Variants in SV2C observed in about 807,000 individuals in gnomAD.
SV2C encodes solute carrier family 22 member B3.
A neutral mutation model predicts 79.7 loss-of-function variants in SV2C; 49 were observed. The observed-to-expected ratio is 0.61, with a 90% CI of 0.49 to 0.78. The LOEUF is 0.78. SV2C is among the 30% of genes least tolerant of loss of function. SV2C has a pLI of 0.00. For missense variants in SV2C, 833 were observed against 912.9 expected (o/e 0.91, Z 1.13); for synonymous variants, 334 against 333.2 (o/e 1.00, Z -0.03).
At chr5:76,065,953 C>T in the SV2C span, among the ~76,000 whole-genome samples, 1 of 152,108 alleles carries the variant, frequency 6.6e-6, no homozygotes, top group Non-Finnish European at 1.5e-5. Context: ...GAGCTCTTGG[C>T]ATGTGTTGCA....
chr5:76,051,583 A>G, the SV2C span, among the ~76,000 whole-genome samples: 5 of 152,238 alleles, frequency 3.3e-5, no homozygotes, highest in Non-Finnish European at 5.9e-5. Context: ...AATTTGCAAT[A>G]TAACAGAAGA....
chr5:76,285,697 C>A, intron 5 of SV2C, 84 bp from the exon 6 acceptor site: 1 of 1,115,134 alleles, frequency 9.0e-7, no homozygotes, highest in South Asian at 1.4e-5. Context: ...CTCATTTGAT[C>A]TGACAATGCA....
the SV2C span, among the ~76,000 whole-genome samples, chr5:76,004,650 G>A: frequency 1.4e-4 from 22 of 152,258 alleles, no homozygotes; most frequent in Non-Finnish European, 2.6e-4. Flanking sequence ...TGTTGGCCAA[G>A]AAAATGAAGA....
chr5:76,158,425 T>TA (rs1287260362), intron 2 of SV2C, among the ~76,000 whole-genome samples: 41 of 145,826 alleles, frequency 2.8e-4, no homozygotes, highest in East Asian at 7.9e-4. Context: ...AAATAGACGT[T>TA]AAAAAAAAAA....
chr5:76,060,261 A>G, the SV2C span, among the ~76,000 whole-genome samples: 1 of 152,090 alleles, frequency 6.6e-6, no homozygotes, highest in Non-Finnish European at 1.5e-5. Context: ...TGAGCCAATC[A>G]TTGACTTCAC....
At chr5:76,136,622 C>G (rs761299813) in intron 2 of SV2C, among the ~76,000 whole-genome samples, 2 of 151,978 alleles carry the variant, frequency 1.3e-5, no homozygotes, top group African/African-American at 2.4e-5. Flanking sequence ...CTGATGAAAA[C>G]TCATCTAGGA....
At chr5:75,893,265 G>A in the SV2C span, among the ~76,000 whole-genome samples, 1 of 151,858 alleles carries the variant, frequency 6.6e-6, no homozygotes, top group Non-Finnish European at 1.5e-5. Flanking sequence ...ACTTTTCAAT[G>A]GCATTATTTG....
chr5:76,335,466 C>T (rs1047964636), downstream of SV2C, among the ~76,000 whole-genome samples: 9 of 121,982 alleles, frequency 7.4e-5, no homozygotes, highest in Non-Finnish European at 7.9e-5. Context: ...GTGTTTCTCA[C>T]AGAGGGGGAT....
chr5:76,224,497 G>C (rs1231094708), intron 4 of SV2C, among the ~76,000 whole-genome samples: 1 of 152,182 alleles, frequency 6.6e-6, no homozygotes, highest in Non-Finnish European at 1.5e-5. Flanking sequence ...ACTCACCGCT[G>C]TGTTTCTAAA....
chr5:76,261,440 C>A lies in SV2C; in HGVS notation c.914-23722C>A, dbSNP rs530016486. 2.0e-5 allele frequency among the ~76,000 whole-genome samples: 3 copies of A among 152,288 alleles called. No homozygotes were observed. In the South Asian group the frequency reaches 6.2e-4, roughly 32 times the overall value. On this transcript the variant is annotated intron_variant, in intron 4 of 12. Transcript: ENST00000502798. Reference sequence around the variant, plus strand: ...CTATTCAAACATGCTTTATTTATTTCTCTTGCCCGATTGTTCTGGCCAGAA... The same window carrying A: ...CTATTCAAACATGCTTTATTTATTTATCTTGCCCGATTGTTCTGGCCAGAA...
At chr5:76,174,639 T>C (rs187732498) in intron 2 of SV2C, among the ~76,000 whole-genome samples, 303 of 152,346 alleles carry the variant, frequency 2.0e-3, no homozygotes, top group African/African-American at 7.1e-3. Context: ...CCACCTGTGG[T>C]CTCTATCACA....
At chr5:76,217,600 C>T (rs1366036866) in intron 4 of SV2C, among the ~76,000 whole-genome samples, 2 of 152,098 alleles carry the variant, frequency 1.3e-5, no homozygotes, top group East Asian at 1.9e-4. Flanking sequence ...ATTTGATGCT[C>T]AAAAATGGTA....
the SV2C span, among the ~76,000 whole-genome samples, chr5:75,961,287 A>G: frequency 3.3e-5 from 5 of 152,150 alleles, no homozygotes; most frequent in Non-Finnish European, 5.9e-5. Context: ...GATGAGTAAT[A>G]CAGACACATA....
At chr5:76,182,967 G>C (rs1181550950) in intron 2 of SV2C, among the ~76,000 whole-genome samples, 1 of 150,240 alleles carries the variant, frequency 6.7e-6, no homozygotes. Flanking sequence ...GACAGAGAGA[G>C]AGAGAGAGAG....
chr5:75,858,936 C>T, the SV2C span, among the ~76,000 whole-genome samples: 6 of 151,886 alleles, frequency 4.0e-5, no homozygotes, highest in African/African-American at 7.3e-5. Context: ...TCACTTGTAA[C>T]GTCTTCTTTT....
chr5:76,080,757 C>T (rs1433868116), upstream of SV2C, among the ~76,000 whole-genome samples: 1 of 152,154 alleles, frequency 6.6e-6, no homozygotes, highest in African/African-American at 2.4e-5. Flanking sequence ...CTTTAGAGTA[C>T]TGGGATTCTG....
intron 1 of SV2C, among the ~76,000 whole-genome samples, chr5:76,119,338 G>T (rs1405438175): frequency 3.9e-5 from 6 of 152,156 alleles, no homozygotes; most frequent in African/African-American, 1.4e-4. Context: ...TCAAAGTACT[G>T]TTGGATAACA....
At chr5:76,282,501 C>T (rs2112491804) in intron 4 of SV2C, among the ~76,000 whole-genome samples, 1 of 152,198 alleles carries the variant, frequency 6.6e-6, no homozygotes, top group East Asian at 1.9e-4. Context: ...GCTCAAGGAA[C>T]ACAAAAAAGT....
At chr5:76,277,477 T>G (rs964820500) in intron 4 of SV2C, among the ~76,000 whole-genome samples, 1 of 152,150 alleles carries the variant, frequency 6.6e-6, no homozygotes, top group Non-Finnish European at 1.5e-5. Flanking sequence ...ACGCAAAGTG[T>G]AAGAACCAGA....
Sources: gnomAD v4.1 joint callset for allele counts (sites outside exome capture counted in the v4.1 genomes callset) on GRCh38, gnomAD v4.1.1 for gene constraint, MANE v1.5 for transcripts, NCBI Gene and HGNC (gene_info 2026-07-23, HGNC 2026-07-21) for gene names.